The following TRIM46 variants were observed in gnomAD, a reference collection of about 807,000 sequenced individuals.
TRIM46 encodes tripartite motif containing 46, also known as tripartite motif-containing protein 46.
TRIM46 carries 17 observed loss-of-function variants against 69.7 expected under a neutral mutation model. That is an observed-to-expected ratio of 0.24 (90% CI 0.17 to 0.37). TRIM46 has a LOEUF of 0.37. TRIM46 is among the 10% of genes least tolerant of loss of function. The pLI, the probability that TRIM46 is intolerant of heterozygous loss-of-function variation, is 1.00. For synonymous variants in TRIM46, 391 were observed against 429.0 expected (o/e 0.91, Z 1.09); for missense variants, 675 against 1,025.1 (o/e 0.66, Z 4.66).
At chr1:155,183,423 A>G (rs1013471887) in intron 9 of TRIM46, among the ~76,000 whole-genome samples, 26 of 151,208 alleles carry the variant, frequency 1.7e-4, no homozygotes, top group Admixed American at 3.9e-4. Context: ...CCTTCCCAAC[A>G]TCCTTTCTCT....
intron 5 of TRIM46, 108 bp downstream of exon 5, chr1:155,177,398 G>A (rs945455911): frequency 4.4e-5 from 43 of 972,528 alleles, no homozygotes; most frequent in African/African-American, 6.4e-5. Context: ...CAGGAAGCCC[G>A]TGAGGTGTCC....
rs1446005818 is a variant in TRIM46, at chr1:155,175,957, C to A, written c.395C>A (p.Ala132Asp). ...HPQVIMFPCP[A>D]CQGDVELGER... is the part of the protein sequence containing the mutation. The stretch of plus-strand genomic sequence containing the variant: ...CAAGTGATCATGTTCCCGTGCCCAG[C>A]CTGCCAAGGTGATGTGGAGCTTGGG... The change falls in exon 3 of 10, where the codon GCC becomes GAC. Residue 132 changes from alanine (A) to aspartate (D), a missense_variant. By Grantham distance (126) the Ala-to-Asp change is moderately radical (BLOSUM62 -2). Transcript: ENST00000334634. The surrounding 1 kb of genome is among the most constrained non-coding windows in gnomAD (Gnocchi z 4.2). 2.5e-6 allele frequency: 4 copies of A among 1,609,268 alleles called. No individual in the cohort carries two copies. Among genetic ancestry groups the A allele is most frequent in the Non-Finnish European group, 3.4e-6 (4 of 1,176,638 alleles).
At position 155,179,569 on chromosome 1, in the gene TRIM46, C is replaced by T. The variant is rs150200936; in HGVS notation, c.1286-63C>T. 18 of 1,487,380 alleles carry T rather than the reference C, an allele frequency of 1.2e-5. No homozygotes were observed. In the East Asian group the frequency reaches 4.1e-4, roughly 34 times the overall value. 92.1% of individuals were successfully genotyped at this position (1,487,380 alleles called of 1,614,324 possible). A position where few individuals can be genotyped will look rare whatever the true frequency, so the allele number is the denominator to read the frequency against. On this transcript the variant is annotated intron_variant, in intron 7 of 9. Coordinates refer to ENST00000334634, the MANE Select transcript of TRIM46 (RefSeq NM_025058.5). ...CGCTGCTTTCCCTTTTCCTGCCTGCCCCTGCCCTCCATGCCAGGCCAGTGG... is the reference window on the plus strand; with the variant it reads ...CGCTGCTTTCCCTTTTCCTGCCTGCTCCTGCCCTCCATGCCAGGCCAGTGG...
chr1:155,184,167 G>T lies in TRIM46; in HGVS notation c.2257G>T (p.Gly753Trp). The T allele has an allele frequency of 6.2e-7, 1 of 1,611,560 alleles. No individual in the cohort carries two copies. The highest frequency in any genetic ancestry group is 2.2e-5 in the East Asian group (1 of 44,836). ...GTKPERKVTI[G>W]GFAKLD is the part of the protein sequence containing the mutation. ...TAAGCCTGAGAGGAAAGTCACCATT[G>T]GGGGCTTCGCCAAGCTGGACTGAGC... Residue 753 changes from glycine to tryptophan, a missense_variant, in exon 10 of 10, where the codon GGG (glycine) becomes TGG (tryptophan). Gly to Trp is a radical substitution (Grantham distance 184). This residue lies in a region of TRIM46 where 108 missense variants were observed against 153.0 expected (regional missense o/e 0.71). Transcript: ENST00000334634. The surrounding 1 kb of genome is among the most constrained non-coding windows in gnomAD (Gnocchi z 5.6).
intron 9 of TRIM46, among the ~76,000 whole-genome samples, chr1:155,183,060 G>A (rs901737410): frequency 4.6e-5 from 7 of 151,660 alleles, no homozygotes; most frequent in African/African-American, 7.2e-5. Flanking sequence ...ACAGGCACCC[G>A]CCACCATGCC....
In TRIM46 at chr1:155,177,327, C is replaced by T. The variant is rs751972824; in HGVS notation, c.909+37C>T. On this transcript the variant is annotated intron_variant, in intron 5 of 9. Coordinates refer to ENST00000334634, the MANE Select transcript of TRIM46 (RefSeq NM_025058.5). ...CACAGAGGTAGGCCCTGGGCCCTGC[C>T]TGGGAGTAGGGGCAGGAAGGGGGTG... 5 of 1,569,968 alleles carry T rather than the reference C, an allele frequency of 3.2e-6. No individual in the cohort carries two copies. The African/African-American group carries it at 6.8e-5, about 21-fold the overall frequency.
Position 155,176,878 on chromosome 1 carries a change from A to G in TRIM46, c.670-54A>G, listed in dbSNP as rs1665699768. ...CACCAAACTGCTGTAGTGGTAGCAT[A>G]GCACCCTTACCCACACCATTGTCTG... On this transcript the variant is annotated intron_variant, in intron 3 of 9. Transcript: ENST00000334634. 9 of 1,592,572 alleles carry G rather than the reference A, an allele frequency of 5.7e-6. No homozygotes were observed. In the South Asian group the frequency reaches 1.0e-4, roughly 18 times the overall value.
chr1:155,177,522 T>C (rs115777929), intron 5 of TRIM46, among the ~76,000 whole-genome samples: 5,737 of 151,508 alleles, frequency 0.038, 351 homozygotes, highest in African/African-American at 0.13. Context: ...AAAAACCCCA[T>C]GCATAGCTCA....
intron 5 of TRIM46, among the ~76,000 whole-genome samples, chr1:155,177,580 G>A (rs539592776): frequency 3.3e-5 from 5 of 152,328 alleles, no homozygotes; most frequent in South Asian, 2.1e-4. Flanking sequence ...GGTGCCTACC[G>A]AGGATGTCAC....
At chr1:155,182,385 A>G (rs1367855865) in intron 9 of TRIM46, 4 of 583,142 alleles carry the variant, frequency 6.9e-6, no homozygotes, top group Non-Finnish European at 9.1e-6. Context: ...GAAAGGGATG[A>G]TAGAAGAGGG....
intron 3 of TRIM46, 112 bp from the exon 4 acceptor site, chr1:155,176,820 T>C (rs1665693077): frequency 2.3e-6 from 3 of 1,331,274 alleles, no homozygotes; most frequent in African/African-American, 2.9e-5. Flanking sequence ...CACCAGCGGA[T>C]GTCTCCACTC....
Position 155,175,760 on chromosome 1 carries a change from T to C in TRIM46, c.325+113T>C, listed in dbSNP as rs928762271. The C allele has an allele frequency of 6.3e-7, 1 of 1,585,156 alleles. No individual in the cohort carries two copies. The highest frequency in any genetic ancestry group is 1.3e-5 in the African/African-American group (1 of 74,308). ...TGTCTGTCTTTCTGGGGGGTGGAGATACTGCTTACGCAGGCTCTAATGAGA... is the reference window on the plus strand; with the variant it reads ...TGTCTGTCTTTCTGGGGGGTGGAGACACTGCTTACGCAGGCTCTAATGAGA... On this transcript the variant is annotated intron_variant, in intron 2 of 9. Coordinates refer to ENST00000334634, the MANE Select transcript of TRIM46 (RefSeq NM_025058.5). The surrounding 1 kb of genome is among the most constrained non-coding windows in gnomAD (Gnocchi z 4.2).
chr1:155,182,072 C>G lies in TRIM46; in HGVS notation c.1809C>G (p.Tyr603Ter). 1 of 1,614,158 alleles carries G rather than the reference C, an allele frequency of 6.2e-7. No homozygotes were observed. Residue 603 changes from tyrosine (Y) to a stop codon, truncating the protein, a stop_gained, in exon 9 of 10, where the codon TAC becomes TAG. Coordinates refer to ENST00000334634, the MANE Select transcript of TRIM46 (RefSeq NM_025058.5). LOFTEE classifies it high-confidence loss of function. ...YWACAVDPAS[Y>*]LVKVGVGLES... Reference sequence around the variant, plus strand: ...CCTGCGCCGTAGACCCAGCCTCCTACTTGGTCAAGGTGGGCGTCGGGCTGG... The same window carrying G: ...CCTGCGCCGTAGACCCAGCCTCCTAGTTGGTCAAGGTGGGCGTCGGGCTGG...
In TRIM46 at chr1:155,175,108, C is replaced by T; in HGVS notation, c.64-278C>T. ...GTGAGGGGGCTGCCAGCTGGGGCTA[C>T]TGCAGCTGGAGAAATGGGGATTGGG... is the stretch of plus-strand genomic sequence containing the variant. On this transcript the variant is annotated intron_variant, in intron 1 of 9. Coordinates refer to ENST00000334634, the MANE Select transcript of TRIM46 (RefSeq NM_025058.5). This position sits in a 1 kb window ranked among gnomAD's most constrained non-coding sequence, Gnocchi z 4.2. 6 of 1,369,060 alleles carry T rather than the reference C, an allele frequency of 4.4e-6. No individual in the cohort carries two copies. Among genetic ancestry groups the T allele is most frequent in the Non-Finnish European group, 5.6e-6 (6 of 1,062,974 alleles). 84.8% of individuals were successfully genotyped at this position (1,369,060 alleles called of 1,614,324 possible). A position where few individuals can be genotyped will look rare whatever the true frequency, so the allele number is the denominator to read the frequency against.
intron 5 of TRIM46, 78 bp downstream of exon 5, chr1:155,177,368 C>G (rs1446098549): frequency 7.9e-7 from 1 of 1,266,062 alleles, no homozygotes; most frequent in Non-Finnish European, 1.2e-6. Flanking sequence ...GATCATGACC[C>G]AATCACCTTG....
Position 155,175,532 on chromosome 1 carries a change from T to G in TRIM46, c.210T>G (p.Gly70=). The change falls in exon 2 of 10, where the codon GGT becomes GGG. Residue 70 remains glycine, a synonymous_variant. Transcript: ENST00000334634. This position sits in a 1 kb window ranked among gnomAD's most constrained non-coding sequence, Gnocchi z 4.2. ...GCCAGCAGGGCTACATAGGACATGGTGGGGACCCCAGCTCCGAGCCCACCT... is the reference window on the plus strand; with the variant it reads ...GCCAGCAGGGCTACATAGGACATGGGGGGGACCCCAGCTCCGAGCCCACCT... ...VLGQQGYIGH[G]GDPSSEPTSP... is the part of the protein sequence containing the mutation. 6.2e-7 allele frequency: 1 copy of G among 1,613,778 alleles called. No individual in the cohort carries two copies. Among genetic ancestry groups the G allele is most frequent in the Non-Finnish European group, 8.5e-7 (1 of 1,179,856 alleles).
In TRIM46 at chr1:155,173,876, C is replaced by A; in HGVS notation, c.-91C>A. 1 of 1,359,282 alleles carries A rather than the reference C, an allele frequency of 7.4e-7. No individual in the cohort carries two copies. Among genetic ancestry groups the A allele is most frequent in the Non-Finnish European group, 1.0e-6 (1 of 980,732 alleles). 84.2% of individuals were successfully genotyped at this position (1,359,282 alleles called of 1,614,324 possible). ...AGTGACACCTCAACCCCCAGCCCTCCTCACACCCCCACTGGGCTCCTGCAT... is the reference window on the plus strand; with the variant it reads ...AGTGACACCTCAACCCCCAGCCCTCATCACACCCCCACTGGGCTCCTGCAT... On this transcript the variant is annotated 5_prime_UTR_variant, in exon 1 of 10. Transcript: ENST00000334634.
chr1:155,182,301 T>G (rs753284606), intron 9 of TRIM46, 152 bp downstream of exon 9: 6 of 886,364 alleles, frequency 6.8e-6, no homozygotes, highest in Non-Finnish European at 1.0e-5. Context: ...CTGGGAGGCC[T>G]GTGTCCAGGA....
intron 7 of TRIM46, chr1:155,178,948 C>A: frequency 1.2e-6 from 1 of 866,100 alleles, no homozygotes; most frequent in Non-Finnish European, 1.7e-6. Context: ...GCTTCCTTCT[C>A]TTTCCTGCCT....
Sources: allele counts gnomAD v4.1 joint callset (sites outside exome capture counted in the v4.1 genomes callset), GRCh38; gene constraint gnomAD v4.1.1; regional missense constraint gnomAD v4.1.1; non-coding constraint Gnocchi (gnomAD v3.1); transcripts MANE v1.5; gene names NCBI Gene and HGNC (gene_info 2026-07-23, HGNC 2026-07-21).